Variants in LRRTM4 observed in about 807,000 individuals in gnomAD.
The protein encoded by LRRTM4 is leucine-rich repeat transmembrane neuronal protein 4.
Under a neutral mutation model 47.6 loss-of-function variants are expected in LRRTM4, and 25 were observed. The observed-to-expected ratio is 0.53, with a 90% CI of 0.38 to 0.73. The LOEUF (loss-of-function observed/expected upper bound fraction) is 0.73, where lower values mean the gene tolerates loss of function less well. Among genes scored for constraint, LRRTM4 ranks in the 30% least tolerant of loss-of-function variants. The probability of loss-of-function intolerance (pLI) is 0.00; values close to 1 mark genes in which losing one functional copy is unlikely to be tolerated. For missense variants in LRRTM4, 638 were observed against 713.4 expected (o/e 0.89, Z 1.20); for synonymous variants, 311 against 269.5 (o/e 1.15, Z -1.51).
intron 3 of LRRTM4, among the ~76,000 whole-genome samples, chr2:76,954,777 T>A (rs1002029375): frequency 6.6e-6 from 1 of 151,720 alleles, no homozygotes; most frequent in Admixed American, 6.6e-5. Context: ...TGAAAACAAT[T>A]TCTAAGCAAT....
intron 3 of LRRTM4, among the ~76,000 whole-genome samples, chr2:77,015,470 G>A (rs1416952926): frequency 6.6e-6 from 1 of 151,772 alleles, no homozygotes; most frequent in Non-Finnish European, 1.5e-5. Flanking sequence ...TGAGTACCTG[G>A]GATTACAGGC....
chr2:77,274,056 CT>C (rs1252537506), intron 3 of LRRTM4, among the ~76,000 whole-genome samples: 2 of 151,988 alleles, frequency 1.3e-5, no homozygotes, highest in Non-Finnish European at 2.9e-5. Flanking sequence ...TTTATGTTCA[CT>C]CTGTGGAAAT....
intron 3 of LRRTM4, among the ~76,000 whole-genome samples, chr2:77,491,470 A>C (rs561200446): frequency 6.6e-6 from 1 of 152,170 alleles, no homozygotes; most frequent in South Asian, 2.1e-4. Context: ...AGTTTGACTC[A>C]TCCTGACCAA....
At position 76,751,774 on chromosome 2, in the gene LRRTM4, C is replaced by T. The variant is rs1558632030; in HGVS notation, c.1552-2858G>A. 2.0e-5 allele frequency among the ~76,000 whole-genome samples: 3 copies of T among 152,028 alleles called. No individual in the cohort carries two copies. The South Asian group carries it at 6.2e-4, about 32-fold the overall frequency. Reference sequence around the variant, plus strand: ...TTGGTGCCATGGGTCACTTATACTCCAAGAAAGCATCGAAATGTAAGAAGA... The same window carrying T: ...TTGGTGCCATGGGTCACTTATACTCTAAGAAAGCATCGAAATGTAAGAAGA... On this transcript the variant is annotated intron_variant, in intron 3 of 3. Transcript: ENST00000409884.
At chr2:77,459,931 T>G (rs1676716319) in intron 3 of LRRTM4, among the ~76,000 whole-genome samples, 1 of 149,932 alleles carries the variant, frequency 6.7e-6, no homozygotes, top group African/African-American at 2.4e-5. Context: ...CTTACTATGT[T>G]TAGACACATA....
chr2:77,183,106 C>T (rs1673395593), intron 3 of LRRTM4, among the ~76,000 whole-genome samples: 2 of 152,016 alleles, frequency 1.3e-5, no homozygotes, highest in Non-Finnish European at 2.9e-5. Context: ...AACTAAAGAG[C>T]TTCTGCACAG....
chr2:77,455,692 C>T (rs1414126600), intron 3 of LRRTM4, among the ~76,000 whole-genome samples: 1 of 152,004 alleles, frequency 6.6e-6, no homozygotes, highest in East Asian at 1.9e-4. Context: ...GCATTCTGTC[C>T]TCATCCTTCA....
chr2:77,123,360 C>T (rs550138431), intron 3 of LRRTM4, among the ~76,000 whole-genome samples: 1 of 152,144 alleles, frequency 6.6e-6, no homozygotes, highest in South Asian at 2.1e-4. Flanking sequence ...ATTTCTTCCT[C>T]TTTTCTGGCT....
intron 3 of LRRTM4, among the ~76,000 whole-genome samples, chr2:77,050,109 T>A (rs1308560125): frequency 6.6e-6 from 1 of 151,728 alleles, no homozygotes; most frequent in African/African-American, 2.4e-5. Flanking sequence ...TCTGCAGATG[T>A]GTTTTGTTAG....
intron 3 of LRRTM4, among the ~76,000 whole-genome samples, chr2:77,060,356 CT>C (rs1679746321): frequency 6.6e-6 from 1 of 151,782 alleles, no homozygotes; most frequent in Non-Finnish European, 1.5e-5. Context: ...ATGCTATTGG[CT>C]TTATTGAATA....
chr2:76,854,582 A>T (rs780227519), intron 3 of LRRTM4, among the ~76,000 whole-genome samples: 1 of 152,220 alleles, frequency 6.6e-6, no homozygotes. Context: ...GCCAATTTTA[A>T]TGTATACATA....
At chr2:76,867,855 A>G (rs1055813298) in intron 3 of LRRTM4, among the ~76,000 whole-genome samples, 1 of 152,236 alleles carries the variant, frequency 6.6e-6, no homozygotes, top group South Asian at 2.1e-4. Flanking sequence ...ATGTATTTAT[A>G]TTTTCTTCTC....
intron 3 of LRRTM4, among the ~76,000 whole-genome samples, chr2:77,357,782 T>C (rs1672024451): frequency 6.6e-6 from 1 of 152,300 alleles, no homozygotes; most frequent in South Asian, 2.1e-4. Flanking sequence ...GTAGCATTAG[T>C]GTGCACATAC....
At chr2:77,098,128 C>T (rs59346279) in intron 3 of LRRTM4, among the ~76,000 whole-genome samples, 270 of 151,892 alleles carry the variant, frequency 1.8e-3, no homozygotes, top group South Asian at 5.8e-3. Flanking sequence ...ATAGAAATCT[C>T]CAAAAGATAG....
chr2:76,846,010 T>C (rs75429774), intron 3 of LRRTM4, among the ~76,000 whole-genome samples: 2 of 152,130 alleles, frequency 1.3e-5, no homozygotes, highest in Non-Finnish European at 2.9e-5. Flanking sequence ...AAATACGGTA[T>C]TTGCAGGATA....
At chr2:76,880,898 A>C (rs1162643191) in intron 3 of LRRTM4, among the ~76,000 whole-genome samples, 1 of 152,140 alleles carries the variant, frequency 6.6e-6, no homozygotes, top group Non-Finnish European at 1.5e-5. Flanking sequence ...ATAATCCTTA[A>C]AATAATCAGT....
At chr2:76,928,502 C>A (rs1419323209) in intron 3 of LRRTM4, among the ~76,000 whole-genome samples, 3 of 152,042 alleles carry the variant, frequency 2.0e-5, no homozygotes, top group South Asian at 4.1e-4. Flanking sequence ...TGATATAGAA[C>A]AATCAGTGGT....
intron 3 of LRRTM4, among the ~76,000 whole-genome samples, chr2:77,047,407 T>C (rs10179324): frequency 0.057 from 8,728 of 152,110 alleles, 548 homozygotes; most frequent in East Asian, 0.14. Context: ...TCTAGACTTG[T>C]GAAGGCTAAA....
chr2:77,123,548 T>C (rs947337285), intron 3 of LRRTM4, among the ~76,000 whole-genome samples: 1 of 152,094 alleles, frequency 6.6e-6, no homozygotes, highest in African/African-American at 2.4e-5. Flanking sequence ...ATAAAACCAA[T>C]ATATAATCTT....
Sources: gnomAD v4.1 joint callset for allele counts (sites outside exome capture counted in the v4.1 genomes callset) on GRCh38, gnomAD v4.1.1 for gene constraint, MANE v1.5 for transcripts, NCBI Gene and HGNC (gene_info 2026-07-23, HGNC 2026-07-21) for gene names.